Variants in TMEM135 observed in about 807,000 individuals in gnomAD.
The protein encoded by TMEM135 is transmembrane protein 135.
A neutral mutation model predicts 60.3 loss-of-function variants in TMEM135; 30 were observed. The ratio of observed to expected loss-of-function variants is 0.50; its 90% CI spans 0.37 to 0.68. The LOEUF (loss-of-function observed/expected upper bound fraction) is 0.68, where lower values mean the gene tolerates loss of function less well. Ranked by LOEUF, TMEM135 falls within the 30% of genes least tolerant of loss-of-function variation. The probability of loss-of-function intolerance (pLI) is 0.00; values close to 1 mark genes in which losing one functional copy is unlikely to be tolerated. For missense variants in TMEM135, 468 were observed against 548.8 expected, an observed-to-expected ratio of 0.85 and a Z score of 1.47; for synonymous variants, 190 against 186.7, an observed-to-expected ratio of 1.02 and a Z score of -0.14.
intron 6 of TMEM135, among the ~76,000 whole-genome samples, chr11:87,267,453 G>C (rs116982951): frequency 0.027 from 4,073 of 152,082 alleles, 69 homozygotes; most frequent in Admixed American, 0.04. Context: ...GATTGTGGGG[G>C]CTTTATTATA....
chr11:87,076,370 C>T (rs1353013252), intron 3 of TMEM135, among the ~76,000 whole-genome samples: 1 of 152,224 alleles, frequency 6.6e-6, no homozygotes, highest in Non-Finnish European at 1.5e-5. Context: ...CACTTAAATA[C>T]CACAGGCTCT....
intron 4 of TMEM135, among the ~76,000 whole-genome samples, chr11:87,112,696 A>G (rs1328312906): frequency 6.6e-6 from 1 of 152,130 alleles, no homozygotes; most frequent in African/African-American, 2.4e-5. Context: ...TTTAGTTTTA[A>G]AACAATACAT....
intron 1 of TMEM135, among the ~76,000 whole-genome samples, chr11:87,067,477 C>G (rs560077989): frequency 2.0e-5 from 3 of 151,966 alleles, no homozygotes; most frequent in Non-Finnish European, 4.4e-5. Flanking sequence ...CAACGTATGA[C>G]CCATATCGTA....
chr11:87,244,742 T>G (rs549602592), intron 6 of TMEM135, among the ~76,000 whole-genome samples: 1 of 147,588 alleles, frequency 6.8e-6, no homozygotes, highest in East Asian at 2.0e-4. Flanking sequence ...CTTCTCTCTT[T>G]TCTTCTTTAT....
chr11:87,210,348 C>G (rs570729121), intron 5 of TMEM135, among the ~76,000 whole-genome samples: 1 of 152,220 alleles, frequency 6.6e-6, no homozygotes, highest in South Asian at 2.1e-4. Flanking sequence ...ACTGACTCCA[C>G]AGAAATAGAA....
intron 11 of TMEM135, 146 bp from the exon 12 acceptor site, chr11:87,314,325 T>C: frequency 3.0e-6 from 2 of 662,256 alleles, no homozygotes; most frequent in Non-Finnish European, 5.3e-6. Flanking sequence ...CACCCCATTT[T>C]AATGTCATCT....
At chr11:87,258,961 A>G (rs1054328712) in intron 6 of TMEM135, 13 of 1,512,942 alleles carry the variant, frequency 8.6e-6, no homozygotes, top group Non-Finnish European at 1.2e-5. Flanking sequence ...CTCGGTTTGC[A>G]TCTTCTCAGT....
intron 6 of TMEM135, among the ~76,000 whole-genome samples, chr11:87,274,828 GTTTATATA>G (rs1565152104): frequency 5.3e-5 from 7 of 132,450 alleles, no homozygotes; most frequent in Admixed American, 7.7e-5. Flanking sequence ...GTGTGTGTGT[GTTTATATA>G]TTTATATATG....
chr11:87,314,236 T>C (rs1463489229), intron 11 of TMEM135, among the ~76,000 whole-genome samples: 1 of 151,922 alleles, frequency 6.6e-6, no homozygotes, highest in African/African-American at 2.4e-5. Context: ...GTAAAGCTTC[T>C]TGTTATACAT....
chr11:87,085,917 C>A (rs74992140), intron 3 of TMEM135, among the ~76,000 whole-genome samples: 1,780 of 152,272 alleles, frequency 0.012, 40 homozygotes, highest in African/African-American at 0.041. Context: ...CACTTCACTT[C>A]TCTGATTCTT....
At chr11:87,259,615 G>A (rs1416072431) in intron 6 of TMEM135, among the ~76,000 whole-genome samples, 1 of 152,170 alleles carries the variant, frequency 6.6e-6, no homozygotes, top group Non-Finnish European at 1.5e-5. Flanking sequence ...TAGTTTCAGT[G>A]AATGGGATCA....
intron 5 of TMEM135, among the ~76,000 whole-genome samples, chr11:87,197,158 G>A (rs1008682409): frequency 3.3e-5 from 5 of 151,988 alleles, no homozygotes; most frequent in South Asian, 2.1e-4. Context: ...CCAATTCAGA[G>A]TATAACAAAT....
intron 6 of TMEM135, among the ~76,000 whole-genome samples, chr11:87,243,048 T>A (rs1941176618): frequency 7.5e-6 from 1 of 132,558 alleles, no homozygotes; most frequent in Non-Finnish European, 1.6e-5. Flanking sequence ...AAGGAAGGGA[T>A]CCAGTTTCAG....
intron 5 of TMEM135, among the ~76,000 whole-genome samples, chr11:87,189,068 T>C (rs964799346): frequency 2.0e-5 from 3 of 149,842 alleles, no homozygotes; most frequent in Non-Finnish European, 3.0e-5. Context: ...TTTCCTTTTT[T>C]CTTTCCTTTC....
chr11:87,157,026 G>A (rs1394754315), intron 4 of TMEM135, among the ~76,000 whole-genome samples: 1 of 151,368 alleles, frequency 6.6e-6, no homozygotes, highest in African/African-American at 2.4e-5. Context: ...GTGCCTTGTA[G>A]ATGGTTCTCT....
At chr11:87,093,120 T>A (rs1857247719) in intron 4 of TMEM135, among the ~76,000 whole-genome samples, 1 of 152,198 alleles carries the variant, frequency 6.6e-6, no homozygotes, top group African/African-American at 2.4e-5. Context: ...TAATCACTCT[T>A]TAACATTTTC....
intron 6 of TMEM135, among the ~76,000 whole-genome samples, chr11:87,238,703 A>G (rs867268097): frequency 6.6e-6 from 1 of 152,086 alleles, no homozygotes; most frequent in Non-Finnish European, 1.5e-5. Flanking sequence ...TATTAAGACA[A>G]TATTCCAAAA....
At chr11:87,319,993 A>C (rs1386231610) in intron 14 of TMEM135, among the ~76,000 whole-genome samples, 1 of 152,188 alleles carries the variant, frequency 6.6e-6, no homozygotes. Context: ...ATAATAATGC[A>C]TACATTGTAT....
intron 3 of TMEM135, among the ~76,000 whole-genome samples, chr11:87,075,790 C>T (rs1206532694): frequency 4.6e-5 from 7 of 152,192 alleles, no homozygotes; most frequent in African/African-American, 1.2e-4. Flanking sequence ...TGTAGAGGTA[C>T]GTACTGCCTT....
Sources: allele counts gnomAD v4.1 joint callset (sites outside exome capture counted in the v4.1 genomes callset), GRCh38; gene constraint gnomAD v4.1.1; transcripts MANE v1.5; gene names NCBI Gene and HGNC (gene_info 2026-07-23, HGNC 2026-07-21).